Variants in HOXD3 observed in about 807,000 individuals in gnomAD.
HOXD3 encodes the protein homeobox D3, also known as homeobox protein Hox-D3.
HOXD3 carries 13 observed loss-of-function variants against 32.8 expected under a neutral mutation model. The observed-to-expected ratio is 0.40, with a 90% CI of 0.26 to 0.63. The LOEUF is 0.63. Ranked by LOEUF, HOXD3 falls within the 20% of genes least tolerant of loss-of-function variation. The pLI, the probability that HOXD3 is intolerant of heterozygous loss-of-function variation, is 0.44. For synonymous variants in HOXD3, 241 were observed against 246.8 expected, an observed-to-expected ratio of 0.98 and a Z score of 0.22; for missense variants, 504 against 577.1, an observed-to-expected ratio of 0.87 and a Z score of 1.30.
intron 3 of HOXD3, 79 bp downstream of exon 3, chr2:176,169,734 G>A (rs890022982): frequency 2.7e-6 from 4 of 1,498,006 alleles, no homozygotes; most frequent in Non-Finnish European, 1.8e-6. Context: ...GGCTGGAAAT[G>A]CAACCTTGGA....
At chr2:176,155,540 C>G (rs1439603843), upstream of HOXD3, among the ~76,000 whole-genome samples, 2 of 152,286 alleles carry the variant, frequency 1.3e-5, no homozygotes, top group East Asian at 3.9e-4. Flanking sequence ...GCCTGGATGG[C>G]CCAGAGTGCA....
Position 176,172,430 on chromosome 2 carries a change from G to A in HOXD3, c.*156G>A. On this transcript the variant is annotated 3_prime_UTR_variant, in exon 4 of 4. Transcript: ENST00000683222. ...CAGGCCTCCAGCGGCGGAGGCGCAGGCGACCGGGCCTCCCCTCCATGGGCG... is the reference window on the plus strand; with the variant it reads ...CAGGCCTCCAGCGGCGGAGGCGCAGACGACCGGGCCTCCCCTCCATGGGCG... 4.4e-6 allele frequency: 3 copies of A among 682,750 alleles called. No individual in the cohort carries two copies. Among genetic ancestry groups the A allele is most frequent in the Non-Finnish European group, 7.2e-6 (3 of 417,158 alleles). The allele number at this position is 682,750 out of a possible 1,614,324, so 42.3% of individuals were successfully genotyped here.
At chr2:176,152,557 T>C (rs1690561502), upstream of HOXD3, 3 of 1,491,036 alleles carry the variant, frequency 2.0e-6, no homozygotes, top group Non-Finnish European at 2.8e-6. This position sits in a 1 kb window ranked among gnomAD's most constrained non-coding sequence, Gnocchi z 5.2. Context: ...GCGAGGGGCC[T>C]AACTAGTGGC....
intron 2 of HOXD3, among the ~76,000 whole-genome samples, chr2:176,168,521 C>T (rs1043313849): frequency 1.3e-5 from 2 of 150,150 alleles, no homozygotes; most frequent in Admixed American, 1.3e-4. Context: ...AAGCTGAGAT[C>T]ATGACACTGC....
chr2:176,152,722 G>T, upstream of HOXD3: 1 of 1,614,176 alleles, frequency 6.2e-7, no homozygotes, highest in Non-Finnish European at 8.5e-7. This position sits in a 1 kb window ranked among gnomAD's most constrained non-coding sequence, Gnocchi z 5.2. Flanking sequence ...ACAAGGCGCC[G>T]TCGGATTGAA....
At chr2:176,153,343 A>C (rs1464901336), upstream of HOXD3, 3 of 210,130 alleles carry the variant, frequency 1.4e-5, no homozygotes, top group African/African-American at 7.0e-5. Context: ...AATGTGGGGG[A>C]GTTGAGGCAG....
At position 176,172,588 on chromosome 2, in the gene HOXD3, CGCGCCCTGCAGA is replaced by C; in HGVS notation, c.*316_*327del. The C allele has an allele frequency of 3.0e-6, 1 of 334,086 alleles. No individual in the cohort carries two copies. The highest frequency in any genetic ancestry group is 5.5e-6 in the Non-Finnish European group (1 of 183,460). The allele number at this position is 334,086 out of a possible 1,614,324, so 20.7% of individuals were successfully genotyped here. ...AGGTAAGTCTGAGACCCATCAGCGG[CGCGCCCTGCAGA>C]GGGACCAGAGCTTGGAGAGTCTTGG... On this transcript the variant is annotated 3_prime_UTR_variant, in exon 4 of 4. Transcript: ENST00000683222.
rs746049196 is a variant in HOXD3, at chr2:176,172,055, C to T, written c.1080C>T (p.Gly360=). The change falls in exon 4 of 4, where the codon GGC becomes GGT. Residue 360 remains glycine, a synonymous_variant. Transcript: ENST00000683222. ...NLQGSPVYVG[G]NFVESMAPAS... is the part of the protein sequence containing the mutation. ...AGGGCAGCCCGGTGTACGTGGGCGG[C>T]AACTTCGTCGAGTCCATGGCGCCCG... 3.7e-6 allele frequency: 6 copies of T among 1,607,978 alleles called. No individual in the cohort carries two copies. The highest frequency in any genetic ancestry group is 5.1e-6 in the Non-Finnish European group (6 of 1,178,668).
intron 1 of HOXD3, among the ~76,000 whole-genome samples, chr2:176,162,130 A>G (rs1369627848): frequency 6.6e-6 from 1 of 152,274 alleles, no homozygotes; most frequent in Non-Finnish European, 1.5e-5. Flanking sequence ...CTTCGCCATC[A>G]TAAGAGAGCA....
chr2:176,167,313 C>G (rs1691002533), intron 2 of HOXD3, among the ~76,000 whole-genome samples: 1 of 152,048 alleles, frequency 6.6e-6, no homozygotes, highest in Non-Finnish European at 1.5e-5. Context: ...TCAATAATAT[C>G]TATTTATACA....
upstream of HOXD3, among the ~76,000 whole-genome samples, chr2:176,156,250 ACCTCCTTAATGTACACAC>A (rs1204977599): frequency 6.6e-6 from 1 of 151,960 alleles, no homozygotes; most frequent in African/African-American, 2.4e-5. Context: ...TATTATTACC[ACCTCCTTAATGTACACAC>A]ACTCCCAGTT....
chr2:176,155,033 C>G (rs1690616278), upstream of HOXD3, among the ~76,000 whole-genome samples: 1 of 152,140 alleles, frequency 6.6e-6, no homozygotes, highest in Non-Finnish European at 1.5e-5. Context: ...GAGGACTGAC[C>G]TCTAAACCCC....
chr2:176,170,337 G>C (rs1559141607), intron 3 of HOXD3, among the ~76,000 whole-genome samples: 1 of 152,162 alleles, frequency 6.6e-6, no homozygotes, highest in Non-Finnish European at 1.5e-5. Flanking sequence ...ATAATGGGGA[G>C]GTGCCTGTCC....
Position 176,172,020 on chromosome 2 carries a change from G to A in HOXD3, c.1045G>A (p.Ala349Thr), listed in dbSNP as rs750084616. Reference sequence around the variant, plus strand: ...GAGCAACGGCGGCGGCTTCGCCAGCGCCAACTTGCAGGGCAGCCCGGTGTA... The same window carrying A: ...GAGCAACGGCGGCGGCTTCGCCAGCACCAACTTGCAGGGCAGCCCGGTGTA... ...MASNGGGFASANLQGSPVYVG... is the reference protein window; with the variant it reads ...MASNGGGFASTNLQGSPVYVG... Residue 349 changes from alanine (A) to threonine (T), a missense_variant, in exon 4 of 4, where the codon GCC becomes ACC. By Grantham distance (58) the Ala-to-Thr change is moderately conservative. Around this residue, in one of 3 missense-constraint regions of HOXD3, gnomAD observed 226 missense variants for 246.9 expected, o/e 0.92. Coordinates refer to ENST00000683222, the MANE Select transcript of HOXD3 (RefSeq NM_006898.5). 2.5e-6 allele frequency: 4 copies of A among 1,607,022 alleles called. No individual in the cohort carries two copies. Among genetic ancestry groups the A allele is most frequent in the Non-Finnish European group, 3.4e-6 (4 of 1,178,652 alleles).
At chr2:176,159,205 G>T (rs1226226625) in intron 1 of HOXD3, among the ~76,000 whole-genome samples, 1 of 145,608 alleles carries the variant, frequency 6.9e-6, no homozygotes, top group African/African-American at 2.5e-5. Context: ...TCGGCCTCTG[G>T]CAAGAGGCTA....
In HOXD3 at chr2:176,172,219, C is replaced by T. The variant is rs765745367; in HGVS notation, c.1244C>T (p.Ala415Val). ...DPHPTYTDLSAHHSSQGRLPE... is the reference protein window; with the variant it reads ...DPHPTYTDLSVHHSSQGRLPE... ...CATCCCACCTACACAGATCTCTCGGCCCACCACTCGTCTCAGGGACGACTG... is the reference window on the plus strand; with the variant it reads ...CATCCCACCTACACAGATCTCTCGGTCCACCACTCGTCTCAGGGACGACTG... Residue 415 changes from alanine to valine, a missense_variant, in exon 4 of 4, where the codon GCC becomes GTC. Physicochemically the swap from Ala to Val is moderately conservative, Grantham distance 64. This residue lies in a region of HOXD3 where 226 missense variants were observed against 246.9 expected (regional missense o/e 0.92). Transcript: ENST00000683222. 3.7e-6 allele frequency: 6 copies of T among 1,611,206 alleles called. No homozygotes were observed. The highest frequency in any genetic ancestry group is 5.1e-6 in the Non-Finnish European group (6 of 1,179,920).
intron 1 of HOXD3, chr2:176,161,069 A>G (rs540974764): frequency 6.6e-6 from 1 of 152,338 alleles, no homozygotes; most frequent in African/African-American, 2.4e-5. Context: ...TTTATGATAA[A>G]TTGGGATCCA....
At chr2:176,154,174 C>G (rs1690599918), upstream of HOXD3, among the ~76,000 whole-genome samples, 1 of 152,052 alleles carries the variant, frequency 6.6e-6, no homozygotes, top group Admixed American at 6.5e-5. Context: ...AAGTTTTCCT[C>G]AGCTCATTAA....
chr2:176,161,230 T>G (rs1690792426), intron 1 of HOXD3: 1 of 152,230 alleles, frequency 6.6e-6, no homozygotes. Context: ...GATACACTGC[T>G]ACATATACAT....
Sources: gnomAD v4.1 joint callset for allele counts (sites outside exome capture counted in the v4.1 genomes callset) on GRCh38, gnomAD v4.1.1 for gene constraint, gnomAD v4.1.1 regional missense constraint, Gnocchi (gnomAD v3.1) non-coding constraint, MANE v1.5 for transcripts, NCBI Gene and HGNC (gene_info 2026-07-23, HGNC 2026-07-21) for gene names.